The following TTC27 variants were observed in gnomAD, a reference collection of about 807,000 sequenced individuals.
TTC27 encodes tetratricopeptide repeat protein 27.
TTC27 carries 79 observed loss-of-function variants against 115.9 expected under a neutral mutation model. The observed-to-expected ratio is 0.68, with a 90% CI of 0.57 to 0.82. The LOEUF (loss-of-function observed/expected upper bound fraction) is 0.82. Ranked by LOEUF, TTC27 falls within the 40% of genes least tolerant of loss-of-function variation. TTC27 has a pLI of 0.00. For missense variants in TTC27, 1,054 were observed against 993.1 expected, an observed-to-expected ratio of 1.06 and a Z score of -0.82; for synonymous variants, 401 against 356.0, an observed-to-expected ratio of 1.13 and a Z score of -1.42.
intron 3 of TTC27, among the ~76,000 whole-genome samples, chr2:32,638,563 G>A (rs1056335617): frequency 5.3e-5 from 8 of 151,810 alleles, no homozygotes; most frequent in African/African-American, 1.9e-4. Flanking sequence ...ATTTTTAGTA[G>A]AGATGGGGTT....
chr2:32,664,495 A>G lies in TTC27; in HGVS notation c.805+28A>G, dbSNP rs374463702. The G allele has an allele frequency of 8.4e-5, 133 of 1,578,814 alleles. No homozygotes were observed. The Middle Eastern group carries it at 4.1e-3, about 49-fold the overall frequency. ...AAGACTTATTTTTTGTGGATAATTG[A>G]TTTTATTTTTATGATAAAACTATAT... On this transcript the variant is annotated intron_variant, in intron 6 of 19. Transcript: ENST00000317907.
intron 13 of TTC27, among the ~76,000 whole-genome samples, chr2:32,759,298 T>A (rs1456778361): frequency 1.3e-5 from 2 of 152,234 alleles, no homozygotes; most frequent in East Asian, 1.9e-4. Flanking sequence ...TACTAACTTA[T>A]AATTAGTGAC....
intron 19 of TTC27, among the ~76,000 whole-genome samples, 171 bp downstream of exon 19, chr2:32,817,728 T>A (rs1481283451): frequency 6.6e-6 from 1 of 152,226 alleles, no homozygotes; most frequent in Non-Finnish European, 1.5e-5. Flanking sequence ...ATTGGCCTAA[T>A]GGATAGACCA....
chr2:32,667,841 G>A (rs1483825566), intron 7 of TTC27, among the ~76,000 whole-genome samples: 1 of 149,864 alleles, frequency 6.7e-6, no homozygotes, highest in Non-Finnish European at 1.5e-5. Context: ...ATCACTTGAG[G>A]TCAGGAGTTC....
At chr2:32,805,231 A>G (rs941401202) in intron 16 of TTC27, among the ~76,000 whole-genome samples, 8 of 152,318 alleles carry the variant, frequency 5.3e-5, no homozygotes, top group African/African-American at 1.9e-4. Flanking sequence ...AAATAGCATC[A>G]TCCTCATAGG....
chr2:32,764,454 A>T (rs980121871), intron 13 of TTC27, among the ~76,000 whole-genome samples: 3 of 152,240 alleles, frequency 2.0e-5, no homozygotes, highest in Non-Finnish European at 4.4e-5. Context: ...TACCAAAAAA[A>T]AATGCTAATG....
chr2:32,746,584 A>AAAAAAAAAAAAAAAT (rs1572571934), intron 12 of TTC27, among the ~76,000 whole-genome samples: 1 of 151,272 alleles, frequency 6.6e-6, no homozygotes, highest in African/African-American at 2.4e-5. Flanking sequence ...AAAAAAAAAG[A>AAAAAAAAAAAAAAAT]ATGCACATCT....
chr2:32,652,710 T>C (rs1665175222), intron 5 of TTC27, among the ~76,000 whole-genome samples: 1 of 152,218 alleles, frequency 6.6e-6, no homozygotes, highest in Admixed American at 6.5e-5. Flanking sequence ...TTATAACTTT[T>C]CATGCATGAT....
At chr2:32,820,148 G>A (rs1027613427) in intron 19 of TTC27, among the ~76,000 whole-genome samples, 14 of 152,124 alleles carry the variant, frequency 9.2e-5, no homozygotes, top group African/African-American at 2.9e-4. Flanking sequence ...ATGTACACAC[G>A]TGCACATGTG....
At chr2:32,810,006 AC>A (rs1671264551) in intron 16 of TTC27, among the ~76,000 whole-genome samples, 1 of 151,886 alleles carries the variant, frequency 6.6e-6, no homozygotes, top group Non-Finnish European at 1.5e-5. Flanking sequence ...AGTCCCAGCT[AC>A]TTGGGAGGCT....
intron 16 of TTC27, among the ~76,000 whole-genome samples, chr2:32,803,260 C>T (rs1378678848): frequency 6.6e-6 from 1 of 152,236 alleles, no homozygotes; most frequent in Non-Finnish European, 1.5e-5. Flanking sequence ...GAAGGGCACT[C>T]TTAGGCGCCG....
intron 10 of TTC27, among the ~76,000 whole-genome samples, chr2:32,729,990 C>A (rs890067596): frequency 6.6e-6 from 1 of 152,206 alleles, no homozygotes; most frequent in East Asian, 1.9e-4. Flanking sequence ...AATTTCTGGG[C>A]GTGTGTGAAA....
intron 7 of TTC27, among the ~76,000 whole-genome samples, chr2:32,668,108 G>T (rs370861337): frequency 2.0e-5 from 3 of 151,786 alleles, no homozygotes; most frequent in East Asian, 1.9e-4. Flanking sequence ...GGAGAATGGC[G>T]TGAATCTGGG....
chr2:32,681,713 G>A (rs890412819), intron 9 of TTC27, among the ~76,000 whole-genome samples: 2 of 148,414 alleles, frequency 1.3e-5, no homozygotes, highest in Non-Finnish European at 3.0e-5. Context: ...GTAGGCTAAC[G>A]TATTTAAGGC....
chr2:32,636,043 T>C (rs1329965290), intron 3 of TTC27, among the ~76,000 whole-genome samples: 1 of 152,140 alleles, frequency 6.6e-6, no homozygotes, highest in Non-Finnish European at 1.5e-5. Flanking sequence ...AGAGATAAGC[T>C]TCAGTTATCT....
chr2:32,671,736 C>G (rs1666022693), intron 7 of TTC27, among the ~76,000 whole-genome samples: 1 of 152,172 alleles, frequency 6.6e-6, no homozygotes, highest in Non-Finnish European at 1.5e-5. Context: ...TCATTGATAA[C>G]AAGCTATTTG....
chr2:32,648,422 AC>A (rs1664950606), intron 4 of TTC27, among the ~76,000 whole-genome samples: 1 of 139,562 alleles, frequency 7.2e-6, no homozygotes, highest in Non-Finnish European at 1.5e-5. Context: ...GAACCACTGC[AC>A]CTGGCACCCC....
At chr2:32,799,037 A>G (rs370037042) in intron 16 of TTC27, among the ~76,000 whole-genome samples, 1 of 152,240 alleles carries the variant, frequency 6.6e-6, no homozygotes. Flanking sequence ...TGTACATACA[A>G]TGGAATATTA....
At chr2:32,803,157 A>G (rs1671012489) in intron 16 of TTC27, among the ~76,000 whole-genome samples, 1 of 152,202 alleles carries the variant, frequency 6.6e-6, no homozygotes, top group Non-Finnish European at 1.5e-5. Context: ...CTGGTTCCTC[A>G]GGAAACCTCC....
Sources: gnomAD v4.1 joint callset for allele counts (sites outside exome capture counted in the v4.1 genomes callset) on GRCh38, gnomAD v4.1.1 for gene constraint, MANE v1.5 for transcripts, NCBI Gene and HGNC (gene_info 2026-07-23, HGNC 2026-07-21) for gene names.